USH2A: variants seen among roughly 807,000 people sequenced by gnomAD.
The protein encoded by USH2A is usherin.
Under a neutral mutation model 538.9 loss-of-function variants are expected in USH2A, and 443 were observed. That is an observed-to-expected ratio of 0.82 (90% CI 0.76 to 0.89). The LOEUF is 0.89. Among genes scored for constraint, USH2A ranks in the 40% least tolerant of loss-of-function variants. The pLI, the probability that USH2A is intolerant of heterozygous loss-of-function variation, is 0.00. For missense variants in USH2A, 6,633 were observed against 6,324.8 expected, an observed-to-expected ratio of 1.05 and a Z score of -1.65; for synonymous variants, 2,413 against 2,273.5, an observed-to-expected ratio of 1.06 and a Z score of -1.75.
intron 19 of USH2A, 84 bp downstream of exon 19, chr1:216,196,469 G>A (rs2034846165): frequency 6.7e-7 from 1 of 1,501,922 alleles, no homozygotes; most frequent in Non-Finnish European, 9.2e-7. Context: ...GGAGAATTCT[G>A]TCACAGAATT....
At chr1:216,326,470 A>T (rs1450779476) in intron 5 of USH2A, among the ~76,000 whole-genome samples, 2 of 152,162 alleles carry the variant, frequency 1.3e-5, no homozygotes, top group African/African-American at 4.8e-5. Flanking sequence ...ACTGATACCA[A>T]GTTTTGAATG....
chr1:215,816,212 A>C (rs1230036974), intron 48 of USH2A, among the ~76,000 whole-genome samples: 2 of 152,088 alleles, frequency 1.3e-5, no homozygotes, highest in African/African-American at 4.8e-5. Context: ...TTAATGGCAT[A>C]AAATGATGTC....
intron 3 of USH2A, among the ~76,000 whole-genome samples, chr1:216,407,216 CTGTT>C (rs772759924): frequency 8.5e-5 from 13 of 152,210 alleles, no homozygotes; most frequent in Non-Finnish European, 1.3e-4. Flanking sequence ...CTAGAACACA[CTGTT>C]TGACTTTTTT....
chr1:216,354,470 C>T (rs773425688), intron 4 of USH2A, among the ~76,000 whole-genome samples: 1 of 151,920 alleles, frequency 6.6e-6, no homozygotes, highest in Non-Finnish European at 1.5e-5. Context: ...AATATAAATG[C>T]TAAAAGATCT....
At chr1:216,039,712 T>C (rs1222127693) in intron 32 of USH2A, among the ~76,000 whole-genome samples, 3 of 152,016 alleles carry the variant, frequency 2.0e-5, no homozygotes, top group African/African-American at 7.2e-5. Context: ...TGTAGAGTGC[T>C]GATAAGGTTC....
chr1:215,820,992 A>G (rs545210811), intron 47 of USH2A, among the ~76,000 whole-genome samples: 1 of 151,852 alleles, frequency 6.6e-6, no homozygotes, highest in African/African-American at 2.4e-5. Context: ...TTCATTCATG[A>G]TGGGCACTTA....
chr1:215,644,703 T>G (rs1380161694), intron 67 of USH2A, among the ~76,000 whole-genome samples: 1 of 152,200 alleles, frequency 6.6e-6, no homozygotes, highest in Non-Finnish European at 1.5e-5. Flanking sequence ...ACATGCCTTC[T>G]GGATATATCA....
intron 10 of USH2A, 60 bp downstream of exon 10, chr1:216,292,115 G>T: frequency 2.0e-6 from 3 of 1,513,858 alleles, no homozygotes; most frequent in Non-Finnish European, 2.8e-6. Context: ...AAAATAATAT[G>T]CATTGTAGAT....
At chr1:216,001,103 CT>C in intron 32 of USH2A, among the ~76,000 whole-genome samples, 1 of 152,276 alleles carries the variant, frequency 6.6e-6, no homozygotes, top group South Asian at 2.1e-4. Flanking sequence ...ACACTCCTTG[CT>C]GTCACCCCAG....
chr1:215,963,168 A>T (rs1033545668), intron 37 of USH2A, among the ~76,000 whole-genome samples: 13 of 152,304 alleles, frequency 8.5e-5, no homozygotes, highest in African/African-American at 3.1e-4. Context: ...TAAGCTTTGT[A>T]TAAATCTAGT....
chr1:215,707,201 T>C (rs1659206801), intron 61 of USH2A, among the ~76,000 whole-genome samples: 1 of 152,236 alleles, frequency 6.6e-6, no homozygotes, highest in African/African-American at 2.4e-5. Context: ...TGGCTTATCT[T>C]AGCAGAGAGG....
intron 9 of USH2A, among the ~76,000 whole-genome samples, chr1:216,307,821 A>T (rs1336608138): frequency 6.6e-6 from 1 of 152,166 alleles, no homozygotes; most frequent in Non-Finnish European, 1.5e-5. Flanking sequence ...GCTCCAGGTA[A>T]GGCCAAATCC....
At chr1:216,168,173 T>A (rs1324946649) in intron 21 of USH2A, among the ~76,000 whole-genome samples, 1 of 152,200 alleles carries the variant, frequency 6.6e-6, no homozygotes, top group Non-Finnish European at 1.5e-5. Flanking sequence ...CCAATTATGA[T>A]TCTTTTTCTG....
At chr1:216,056,640 G>A (rs573758849) in intron 30 of USH2A, among the ~76,000 whole-genome samples, 2 of 152,184 alleles carry the variant, frequency 1.3e-5, no homozygotes, top group African/African-American at 4.8e-5. Flanking sequence ...CTTAAAATGT[G>A]TTAAGAGGTT....
At chr1:216,185,190 T>C (rs2034574351) in intron 20 of USH2A, among the ~76,000 whole-genome samples, 1 of 151,912 alleles carries the variant, frequency 6.6e-6, no homozygotes, top group African/African-American at 2.4e-5. Context: ...GATTTTGCAA[T>C]GGAGAGAGAT....
Position 215,729,284 on chromosome 1 carries a change from T to G in USH2A, c.11712-900A>C, listed in dbSNP as rs1659923692. Among the ~76,000 whole-genome samples, 4 of 152,348 alleles carry G rather than the reference T, an allele frequency of 2.6e-5. No individual in the cohort carries two copies. In the South Asian group the frequency reaches 8.3e-4, roughly 32 times the overall value. On this transcript the variant is annotated intron_variant, in intron 60 of 71. Transcript: ENST00000307340. The stretch of plus-strand genomic sequence containing the variant: ...GCAGCACAATGCTCTTTTGCAATTG[T>G]TCCCAGGATGTTTACAAAGTATTTT...
intron 67 of USH2A, among the ~76,000 whole-genome samples, chr1:215,642,911 T>G (rs1656733985): frequency 1.3e-5 from 2 of 152,176 alleles, no homozygotes; most frequent in African/African-American, 4.8e-5. Flanking sequence ...GGGAACTAAA[T>G]GTGTTGTTAG....
chr1:215,934,742 C>G lies in USH2A; in HGVS notation c.7174G>C (p.Glu2392Gln), dbSNP rs1192539262. 2 of 1,612,748 alleles carry G rather than the reference C, an allele frequency of 1.2e-6. No individual in the cohort carries two copies. Among genetic ancestry groups the G allele is most frequent in the East Asian group, 2.2e-5 (1 of 44,822 alleles). ...NVTKVMYSGEETNLWVLIDGL... is the reference protein window; with the variant it reads ...NVTKVMYSGEQTNLWVLIDGL... ...TCGATGAGCACCCAAAGGTTTGTCT[C>G]TTCTCCGCTGTACATGACTTTTGTG... is the stretch of plus-strand genomic sequence containing the variant. The change falls in exon 38 of 72, where the codon GAG becomes CAG. Residue 2392 changes from glutamate (E) to glutamine (Q), a missense_variant. Glu to Gln is a conservative substitution (Grantham distance 29). Coordinates refer to ENST00000307340, the MANE Select transcript of USH2A (RefSeq NM_206933.4).
intron 14 of USH2A, among the ~76,000 whole-genome samples, chr1:216,222,710 GGCTC>G (rs2035480309): frequency 1.3e-5 from 2 of 152,202 alleles, no homozygotes; most frequent in African/African-American, 4.8e-5. Context: ...TGGGTGCGGT[GGCTC>G]ACGCCTGTAA....
Sources: allele counts gnomAD v4.1 joint callset (sites outside exome capture counted in the v4.1 genomes callset), GRCh38; gene constraint gnomAD v4.1.1; transcripts MANE v1.5; gene names NCBI Gene and HGNC (gene_info 2026-07-23, HGNC 2026-07-21).